Variants in SHC2 observed in about 807,000 individuals in gnomAD.
SHC2 encodes SHC-transforming protein 2.
In SHC2, 62 loss-of-function variants were observed where a neutral mutation model predicts 60.6. That is an observed-to-expected ratio of 1.02 (90% confidence interval 0.83 to 1.26). The LOEUF is 1.26. SHC2 is among the 50% of genes most tolerant of loss of function. The probability of loss-of-function intolerance (pLI) is 0.00; values close to 1 mark genes in which losing one functional copy is unlikely to be tolerated. For synonymous variants in SHC2, 375 were observed against 372.4 expected (o/e 1.01, Z -0.08); for missense variants, 873 against 822.2 (o/e 1.06, Z -0.76).
At chr19:417,463 C>G (rs188886888) in intron 12 of SHC2, 141 bp from the exon 13 acceptor site, 1 of 152,404 alleles carries the variant, frequency 6.6e-6, no homozygotes, top group African/African-American at 2.4e-5. Context: ...CTCCTCAGGT[C>G]GCATGGCTGG....
At position 438,982 on chromosome 19, in the gene SHC2, G is replaced by C; in HGVS notation, c.588C>G (p.Ser196=). 6.2e-7 allele frequency: 1 copy of C among 1,601,824 alleles called. No homozygotes were observed. The highest frequency in any genetic ancestry group is 8.5e-7 in the Non-Finnish European group (1 of 1,174,908). The part of the protein sequence containing the change: ...LHEAVPGVRG[S]WKKKAPNKAL... ...AAGCCTCACTCACCTTTTTCTTCCA[G>C]GATCCCCGGACGCCAGGCACGGCCT... The change falls in exon 3 of 13, where the codon TCC becomes TCG. Residue 196 remains serine (S), a synonymous_variant. Coordinates refer to ENST00000264554, the MANE Select transcript of SHC2 (RefSeq NM_012435.3). This position sits in a 1 kb window ranked among gnomAD's most constrained non-coding sequence, Gnocchi z 5.0.
chr19:429,613 A>T (rs1486222288), intron 9 of SHC2, among the ~76,000 whole-genome samples: 1 of 137,466 alleles, frequency 7.3e-6, no homozygotes, highest in Non-Finnish European at 1.5e-5. Flanking sequence ...AGAGAAACCT[A>T]ATACCGTGTG....
chr19:444,678 C>T (rs904390068), intron 1 of SHC2, among the ~76,000 whole-genome samples: 10 of 152,198 alleles, frequency 6.6e-5, no homozygotes, highest in Admixed American at 1.3e-4. Flanking sequence ...AATGCAGTAA[C>T]GATACCGACA....
chr19:452,605 G>T (rs931965515), intron 1 of SHC2, among the ~76,000 whole-genome samples: 8 of 152,188 alleles, frequency 5.3e-5, no homozygotes, highest in Admixed American at 6.5e-5. Context: ...GTTTCACTGC[G>T]GTTGGGGCAT....
In SHC2 at chr19:439,024, G is replaced by A. The variant is rs748896357; in HGVS notation, c.546C>T (p.Ala182=). ...GCACGGCCTCATGGAGCCGGTTGAT[G>A]GCTTCCCTGGGGTTGGGAGGAGGGG... ...FNTRTQVTRE[A]INRLHEAVPG... is the part of the protein sequence containing the mutation. The change falls in exon 3 of 13, where the codon GCC becomes GCT. Residue 182 remains alanine, a synonymous_variant. Transcript: ENST00000264554. The A allele has an allele frequency of 9.4e-6, 15 of 1,588,170 alleles. No homozygotes were observed. The highest frequency in any genetic ancestry group is 1.7e-6 in the Non-Finnish European group (2 of 1,167,912).
chr19:436,559 G>A, intron 5 of SHC2, 71 bp downstream of exon 5: 1 of 1,583,704 alleles, frequency 6.3e-7, no homozygotes, highest in Non-Finnish European at 8.6e-7. Flanking sequence ...GGGCTCTGGG[G>A]AAGGATGAGA....
At position 436,336 on chromosome 19, in the gene SHC2, C is replaced by A. The variant is rs757455201; in HGVS notation, c.826+44G>T. On this transcript the variant is annotated intron_variant, in intron 6 of 12. Transcript: ENST00000264554. ...GCAGCCTCCGAGCCACACGGCCGTGCCCCCCAGCCACAGGACCCCCACCGG... is the reference window on the plus strand; with the variant it reads ...GCAGCCTCCGAGCCACACGGCCGTGACCCCCAGCCACAGGACCCCCACCGG... 17 of 1,590,950 alleles carry A rather than the reference C, an allele frequency of 1.1e-5. No individual in the cohort carries two copies. In the South Asian group the frequency reaches 1.6e-4, roughly 15 times the overall value.
In SHC2 at chr19:440,898, C is replaced by G; in HGVS notation, c.503G>C (p.Arg168Pro). The G allele has an allele frequency of 1.9e-6, 3 of 1,612,788 alleles. No homozygotes were observed. The highest frequency in any genetic ancestry group is 2.5e-6 in the Non-Finnish European group (3 of 1,179,778). ...CGTGCGCGTGTTAAAGTCCAGGGAG[C>G]GCATAGAGCGGAGAACCTCGATGCA... ...MGCIEVLRSMRSLDFNTRTQV... is the reference protein window; with the variant it reads ...MGCIEVLRSMPSLDFNTRTQV... The change falls in exon 2 of 13, where the codon CGC becomes CCC. Residue 168 changes from arginine to proline, a missense_variant. Physicochemically the swap from Arg to Pro is moderately radical, Grantham distance 103 (BLOSUM62 -2). Coordinates refer to ENST00000264554, the MANE Select transcript of SHC2 (RefSeq NM_012435.3). This position sits in a 1 kb window ranked among gnomAD's most constrained non-coding sequence, Gnocchi z 7.0.
At chr19:436,555 T>C (rs1398023241) in intron 5 of SHC2, 75 bp downstream of exon 5, 7 of 1,582,790 alleles carry the variant, frequency 4.4e-6, no homozygotes, top group African/African-American at 1.3e-5. Flanking sequence ...AGGCGGGCTC[T>C]GGGGAAGGAT....
Position 416,693 on chromosome 19 carries a change from G to A in SHC2, c.*635C>T, listed in dbSNP as rs974090505. On this transcript the variant is annotated 3_prime_UTR_variant, in exon 13 of 13. Coordinates refer to ENST00000264554, the MANE Select transcript of SHC2 (RefSeq NM_012435.3). ...GGGGAAGCTGCTGGGCGCAGCCCAGGCCAGGCAACCACGTCCTTCCCCTGC... is the reference window on the plus strand; with the variant it reads ...GGGGAAGCTGCTGGGCGCAGCCCAGACCAGGCAACCACGTCCTTCCCCTGC... The A allele has an allele frequency of 4.6e-5, 7 of 152,260 alleles. No individual in the cohort carries two copies. Among genetic ancestry groups the A allele is most frequent in the African/African-American group, 1.7e-4 (7 of 41,442 alleles). 9.4% of individuals were successfully genotyped at this position (152,260 alleles called of 1,614,324 possible).
At chr19:418,211 C>T (rs1974196558) in intron 12 of SHC2, among the ~76,000 whole-genome samples, 1 of 152,164 alleles carries the variant, frequency 6.6e-6, no homozygotes, top group South Asian at 2.1e-4. Flanking sequence ...CACACGCCAG[C>T]CCCTGCCTGT....
intron 9 of SHC2, among the ~76,000 whole-genome samples, chr19:427,114 G>A (rs1176532815): frequency 6.6e-6 from 1 of 152,214 alleles, no homozygotes; most frequent in Non-Finnish European, 1.5e-5. Context: ...GTGGGCACTC[G>A]ATGGCTCGAG....
intron 11 of SHC2, among the ~76,000 whole-genome samples, chr19:421,465 G>GAGA (rs1974271851): frequency 1.4e-5 from 1 of 73,494 alleles, no homozygotes. Context: ...GAGGGAGAGA[G>GAGA]GGAGGAAGAA....
Position 441,118 on chromosome 19 carries a change from C to T in SHC2, c.469-186G>A, listed in dbSNP as rs750177527. 58 of 984,964 alleles carry T rather than the reference C, an allele frequency of 5.9e-5. No homozygotes were observed. Among genetic ancestry groups the T allele is most frequent in the Non-Finnish European group, 6.7e-5 (56 of 829,798 alleles). The allele number at this position is 984,964 out of a possible 1,614,324, so 61.0% of individuals were successfully genotyped here. On this transcript the variant is annotated intron_variant, in intron 1 of 12. Transcript: ENST00000264554. The surrounding 1 kb of genome is among the most constrained non-coding windows in gnomAD (Gnocchi z 4.9). ...CCAGCCTTGACACTGTCCTGCGAGCCGCCCCCTCTGACTCCAGGCATGTTT... is the reference window on the plus strand; with the variant it reads ...CCAGCCTTGACACTGTCCTGCGAGCTGCCCCCTCTGACTCCAGGCATGTTT...
chr19:450,607 A>G (rs1975157587), intron 1 of SHC2, among the ~76,000 whole-genome samples: 1 of 152,048 alleles, frequency 6.6e-6, no homozygotes, highest in African/African-American at 2.4e-5. Flanking sequence ...CTGTGTCTGG[A>G]GTCTCTCACC....
At chr19:450,080 CCA>C (rs1361952439) in intron 1 of SHC2, among the ~76,000 whole-genome samples, 2 of 152,352 alleles carry the variant, frequency 1.3e-5, no homozygotes, top group African/African-American at 4.8e-5. Flanking sequence ...CCATGGCTTT[CCA>C]CAGGGGCGAG....
Position 422,179 on chromosome 19 carries a change from G to A in SHC2, c.1587C>T (p.Pro529=). ...CGGGGTCCACGAGCAGCAGGTGCTT[G>A]GGCTGCCCGGCGTGCATGCCGGTGA... The part of the protein sequence containing the change: ...YVLTGMHAGQ[P]KHLLLVDPEG... The change falls in exon 11 of 13, where the codon CCC becomes CCT. Residue 529 remains proline (P), a synonymous_variant. Coordinates refer to ENST00000264554, the MANE Select transcript of SHC2 (RefSeq NM_012435.3). The surrounding 1 kb of genome is among the most constrained non-coding windows in gnomAD (Gnocchi z 5.0). 6.2e-7 allele frequency: 1 copy of A among 1,612,182 alleles called. No homozygotes were observed. Among genetic ancestry groups the A allele is most frequent in the Non-Finnish European group, 8.5e-7 (1 of 1,179,416 alleles).
Position 422,480 on chromosome 19 carries a change from TGGGCAGGCAGG to T in SHC2, c.1310-35_1310-25del. On this transcript the variant is annotated intron_variant, in intron 10 of 12. Transcript: ENST00000264554. The surrounding 1 kb of genome is among the most constrained non-coding windows in gnomAD (Gnocchi z 5.0). ...TCCTGCAGGCCAGGGACAGGAGTGC[TGGGCAGGCAGG>T]GGGCAAGCAGCTACTCCTGCCGGGA... is the stretch of plus-strand genomic sequence containing the variant. 1 of 1,486,366 alleles carries T rather than the reference TGGGCAGGCAGG, an allele frequency of 6.7e-7. No homozygotes were observed. The highest frequency in any genetic ancestry group is 9.0e-7 in the Non-Finnish European group (1 of 1,114,484). The allele number at this position is 1,486,366 out of a possible 1,614,324, so 92.1% of individuals were successfully genotyped here.
chr19:457,794 A>C (rs1288415814), intron 1 of SHC2, among the ~76,000 whole-genome samples: 1 of 152,250 alleles, frequency 6.6e-6, no homozygotes, highest in African/African-American at 2.4e-5. Flanking sequence ...ATGTGGTGTG[A>C]AGGAAGCGCA....
Sources: allele counts gnomAD v4.1 joint callset (sites outside exome capture counted in the v4.1 genomes callset), GRCh38; gene constraint gnomAD v4.1.1; non-coding constraint Gnocchi (gnomAD v3.1); transcripts MANE v1.5; gene names NCBI Gene and HGNC (gene_info 2026-07-23, HGNC 2026-07-21).